The following AKT2 variants were observed in gnomAD, a reference collection of about 807,000 sequenced individuals.
The protein encoded by AKT2 is AKT serine/threonine kinase 2, also known as RAC-beta serine/threonine-protein kinase.
A neutral mutation model predicts 58.6 loss-of-function variants in AKT2; 16 were observed. The ratio of observed to expected loss-of-function variants is 0.27; its 90% confidence interval spans 0.18 to 0.41. The LOEUF is 0.41. Among genes scored for constraint, AKT2 ranks in the 10% least tolerant of loss-of-function variants. The pLI is 1.00. For missense variants in AKT2, 438 were observed against 661.0 expected, an observed-to-expected ratio of 0.66 and a Z score of 3.70; for synonymous variants, 253 against 254.0, an observed-to-expected ratio of 1.00 and a Z score of 0.04.
intron 10 of AKT2, 56 bp downstream of exon 10, chr19:40,236,201 G>A: frequency 6.2e-7 from 1 of 1,613,358 alleles, no homozygotes; most frequent in Admixed American, 1.7e-5. Flanking sequence ...ACACAGGTCT[G>A]GGGGATCCCC....
At chr19:40,282,350 C>T (rs921327401) in intron 1 of AKT2, 3 of 392,410 alleles carry the variant, frequency 7.6e-6, no homozygotes, top group Non-Finnish European at 1.5e-5. Flanking sequence ...GAGCTAGAAC[C>T]GACTTCACCG....
In AKT2 at chr19:40,235,244, G is replaced by T; in HGVS notation, c.1263+19C>A. 1 of 1,614,002 alleles carries T rather than the reference G, an allele frequency of 6.2e-7. No homozygotes were observed. The highest frequency in any genetic ancestry group is 1.1e-5 in the South Asian group (1 of 91,070). On this transcript the variant is annotated intron_variant, in intron 12 of 13. Transcript: ENST00000392038. The surrounding 1 kb of genome is among the most constrained non-coding windows in gnomAD (Gnocchi z 6.3). The stretch of plus-strand genomic sequence containing the variant: ...GCCAGGTCCCTGAGGGTCCTGCTGG[G>T]GCAAGCAGTGGGGCTCACCTTCTTC...
intron 3 of AKT2, among the ~76,000 whole-genome samples, chr19:40,256,545 G>C (rs1008302516): frequency 2.0e-5 from 3 of 152,220 alleles, no homozygotes; most frequent in African/African-American, 7.2e-5. Context: ...GTGACCAGCT[G>C]AGTGGGAAGC....
chr19:40,230,605 A>G lies in AKT2; in HGVS notation c.*3267T>C, dbSNP rs1973653496. The G allele has an allele frequency of 1.3e-5, 3 of 228,206 alleles. No homozygotes were observed. The Admixed American group carries it at 1.7e-4, about 13-fold the overall frequency. 14.1% of individuals were successfully genotyped at this position (228,206 alleles called of 1,614,324 possible). On this transcript the variant is annotated 3_prime_UTR_variant, in exon 14 of 14. Transcript: ENST00000392038. ...ACTACCAATTTATGATGCCGTGTCC[A>G]TTTGCAGAGAGGTAATCAGCACCAA...
At chr19:40,246,310 G>C (rs1462798821) in intron 4 of AKT2, among the ~76,000 whole-genome samples, 2 of 152,090 alleles carry the variant, frequency 1.3e-5, no homozygotes, top group African/African-American at 4.8e-5. Flanking sequence ...ATTTTTAGTA[G>C]AGACAGGGTT....
rs1249663590 is a variant in AKT2, at chr19:40,237,039, C to T, written c.832-654G>A. The T allele has an allele frequency of 6.0e-6, 1 of 165,792 alleles. No individual in the cohort carries two copies. The highest frequency in any genetic ancestry group is 1.3e-5 in the Non-Finnish European group (1 of 76,112). 10.3% of individuals were successfully genotyped at this position (165,792 alleles called of 1,614,324 possible). A position where few individuals can be genotyped will look rare whatever the true frequency, so the allele number is the denominator to read the frequency against. On this transcript the variant is annotated intron_variant, in intron 9 of 13. Coordinates refer to ENST00000392038, the MANE Select transcript of AKT2 (RefSeq NM_001626.6). The surrounding 1 kb of genome is among the most constrained non-coding windows in gnomAD (Gnocchi z 4.5). The stretch of plus-strand genomic sequence containing the variant: ...CCATCTGTACCACTGCACACAGACA[C>T]ACCTGTGAACTGTGGACTCACCTCC...
chr19:40,234,796 G>A lies in AKT2; in HGVS notation c.1366+249C>T. ...AAAGCAGTGAACCCAGCCAGGCTCA[G>A]GGACCGGGCTGCCTCCTGCCCTGAG... On this transcript the variant is annotated intron_variant, in intron 13 of 13. Coordinates refer to ENST00000392038, the MANE Select transcript of AKT2 (RefSeq NM_001626.6). This position sits in a 1 kb window ranked among gnomAD's most constrained non-coding sequence, Gnocchi z 4.7. 1.6e-6 allele frequency: 1 copy of A among 620,236 alleles called. No individual in the cohort carries two copies. The highest frequency in any genetic ancestry group is 2.9e-6 in the Non-Finnish European group (1 of 347,782). 38.4% of individuals were successfully genotyped at this position (620,236 alleles called of 1,614,324 possible).
At chr19:40,283,339 T>G (rs577727334) in intron 1 of AKT2, among the ~76,000 whole-genome samples, 1 of 152,356 alleles carries the variant, frequency 6.6e-6, no homozygotes, top group South Asian at 2.1e-4. Flanking sequence ...TCACTGCCAC[T>G]GTTAGCCCCA....
intron 1 of AKT2, among the ~76,000 whole-genome samples, chr19:40,271,354 G>A (rs969469368): frequency 6.8e-6 from 1 of 148,136 alleles, no homozygotes; most frequent in African/African-American, 2.5e-5. Context: ...CTGAGCCTGG[G>A]AGGTAGAGGT....
rs1465099913 is a variant in AKT2 at position 40,285,242 on chromosome 19, C to T, written c.-146G>A. The T allele has an allele frequency of 5.1e-6, 2 of 395,332 alleles. No individual in the cohort carries two copies. The highest frequency in any genetic ancestry group is 2.1e-5 in the African/African-American group (1 of 48,438). 24.5% of individuals were successfully genotyped at this position (395,332 alleles called of 1,614,324 possible). ...TCTACCCCCGCCCATCGCCACGCTG[C>T]GCTGGTTCCCTTTCCTTGTGTTTCC... On this transcript the variant is annotated 5_prime_UTR_variant, in exon 1 of 14. Coordinates refer to ENST00000392038, the MANE Select transcript of AKT2 (RefSeq NM_001626.6).
rs983436088 is a variant in AKT2 at position 40,253,435 on chromosome 19, A to C, written c.287+1723T>G. 2.4e-5 allele frequency among the ~76,000 whole-genome samples: 3 copies of C among 127,400 alleles called. No individual in the cohort carries two copies. The Admixed American group carries it at 2.5e-4, about 11-fold the overall frequency. 83.6% of individuals were successfully genotyped at this position (127,400 alleles called of 152,430 possible). A position where few individuals can be genotyped will look rare whatever the true frequency, so the allele number is the denominator to read the frequency against. On this transcript the variant is annotated intron_variant, in intron 4 of 13. Transcript: ENST00000392038. ...AAAGAGCTAATACATAAATAAGAAA[A>C]AGACCAACTACCCAACAGAAAAATA...
At chr19:40,245,917 C>T (rs1159370955) in intron 4 of AKT2, among the ~76,000 whole-genome samples, 3 of 152,210 alleles carry the variant, frequency 2.0e-5, no homozygotes, top group South Asian at 2.1e-4. Context: ...AGTGCAGACC[C>T]GGGCAGAGCA....
chr19:40,264,952 C>T (rs1266745832), intron 2 of AKT2, among the ~76,000 whole-genome samples: 16 of 152,186 alleles, frequency 1.1e-4, no homozygotes, highest in Admixed American at 8.5e-4. Context: ...AGTTCAGTGA[C>T]GTGACTTCCC....
chr19:40,240,285 C>T lies in AKT2; in HGVS notation c.574-175G>A, dbSNP rs771118234. 3.9e-5 allele frequency: 31 copies of T among 798,202 alleles called. No individual in the cohort carries two copies. In the Admixed American group the frequency reaches 4.7e-4, roughly 12 times the overall value. The allele number at this position is 798,202 out of a possible 1,614,324, so 49.4% of individuals were successfully genotyped here. On this transcript the variant is annotated intron_variant, in intron 6 of 13. Transcript: ENST00000392038. ...ACCCTCAGCAAATAGCAGACCCAGA[C>T]GAGGATCATCAGTGGCTCTCAAAGC...
intron 4 of AKT2, among the ~76,000 whole-genome samples, chr19:40,247,072 C>T (rs1296577534): frequency 6.6e-6 from 1 of 152,226 alleles, no homozygotes; most frequent in Non-Finnish European, 1.5e-5. Context: ...AACTGGGGCT[C>T]GCCTGCTGCC....
At chr19:40,265,444 T>C in intron 1 of AKT2, 93 bp from the exon 2 acceptor site, 1 of 1,484,662 alleles carries the variant, frequency 6.7e-7, no homozygotes, top group Non-Finnish European at 9.0e-7. Context: ...CTCTGGCTGT[T>C]CTGCCCACTC....
At chr19:40,260,474 A>G (rs2145330487) in intron 2 of AKT2, among the ~76,000 whole-genome samples, 1 of 151,908 alleles carries the variant, frequency 6.6e-6, no homozygotes, top group East Asian at 1.9e-4. Context: ...TACTAAAAAT[A>G]TAAAAATTAG....
intron 1 of AKT2, among the ~76,000 whole-genome samples, chr19:40,281,089 C>T (rs1464716384): frequency 6.6e-6 from 1 of 152,188 alleles, no homozygotes; most frequent in Non-Finnish European, 1.5e-5. Flanking sequence ...CACCTCTCAC[C>T]CAGGCCCACA....
At chr19:40,263,239 C>T (rs1053293020) in intron 2 of AKT2, among the ~76,000 whole-genome samples, 4 of 152,226 alleles carry the variant, frequency 2.6e-5, no homozygotes, top group Admixed American at 1.3e-4. Context: ...CCATGGCCTC[C>T]GCACGTGCAG....
Sources: allele counts gnomAD v4.1 joint callset (sites outside exome capture counted in the v4.1 genomes callset), GRCh38; gene constraint gnomAD v4.1.1; non-coding constraint Gnocchi (gnomAD v3.1); transcripts MANE v1.5; gene names NCBI Gene and HGNC (gene_info 2026-07-23, HGNC 2026-07-21).